TNS3: variants seen among roughly 807,000 people sequenced by gnomAD.
TNS3 encodes the protein tensin 3, also known as tensin-3.
In TNS3, 45 loss-of-function variants were observed where a neutral mutation model predicts 140.9. The observed-to-expected ratio is 0.32, with a 90% CI of 0.25 to 0.41. TNS3 has a LOEUF of 0.41. Among genes scored for constraint, TNS3 ranks in the 10% least tolerant of loss-of-function variants. The pLI is 1.00. For missense variants in TNS3, 1,716 were observed against 1,906.7 expected, an observed-to-expected ratio of 0.90 and a Z score of 1.86; for synonymous variants, 815 against 788.4, an observed-to-expected ratio of 1.03 and a Z score of -0.56.
rs1425412829 is a variant in TNS3, at chr7:47,304,860, T to C, written c.2794A>G (p.Ser932Gly). 2.9e-6 allele frequency: 4 copies of C among 1,391,426 alleles called. No individual in the cohort carries two copies. Among genetic ancestry groups the C allele is most frequent in the Non-Finnish European group, 3.8e-6 (4 of 1,061,402 alleles). The allele number at this position is 1,391,426 out of a possible 1,614,324, so 86.2% of individuals were successfully genotyped here. The change falls in exon 21 of 31, where the codon AGC becomes GGC. Residue 932 changes from serine to glycine, a missense_variant. By Grantham distance (56) the Ser-to-Gly change is moderately conservative. Coordinates refer to ENST00000311160, the MANE Select transcript of TNS3 (RefSeq NM_022748.12). ...QAFASSCTIS[S>G]NGPGQRRESS... The stretch of plus-strand genomic sequence containing the variant: ...TCTCTCCTCTGCCCAGGGCCGTTGC[T>C]GGAAATGGTGCAGGAAGAAGCAAAA...
chr7:47,580,672 T>G (rs1030032182), intron 1 of TNS3, among the ~76,000 whole-genome samples: 1 of 151,694 alleles, frequency 6.6e-6, no homozygotes. Context: ...GTTGATTGAT[T>G]TGCAAATATA....
intron 1 of TNS3, among the ~76,000 whole-genome samples, chr7:47,548,332 G>T (rs1799976861): frequency 6.6e-6 from 1 of 152,034 alleles, no homozygotes; most frequent in Non-Finnish European, 1.5e-5. Flanking sequence ...CCCATACCTG[G>T]CCTGTCTCTC....
intron 8 of TNS3, among the ~76,000 whole-genome samples, chr7:47,430,381 C>G (rs1794872074): frequency 6.6e-6 from 1 of 152,040 alleles, no homozygotes; most frequent in Admixed American, 6.5e-5. Flanking sequence ...CCCCCCGCCT[C>G]GGCCTCCCAA....
chr7:47,565,268 G>A (rs980601515), intron 1 of TNS3, among the ~76,000 whole-genome samples: 4 of 151,810 alleles, frequency 2.6e-5, no homozygotes, highest in Non-Finnish European at 5.9e-5. Context: ...TAGTAGAGAC[G>A]GGGTTTCACT....
chr7:47,288,655 C>T (rs781503944), intron 27 of TNS3, among the ~76,000 whole-genome samples: 26 of 152,270 alleles, frequency 1.7e-4, no homozygotes, highest in Non-Finnish European at 2.9e-4. Context: ...TGATGGGCTC[C>T]AGGGACCCCC....
chr7:47,484,362 A>C (rs115446299), intron 3 of TNS3, among the ~76,000 whole-genome samples: 162 of 152,312 alleles, frequency 1.1e-3, no homozygotes, highest in African/African-American at 3.7e-3. Flanking sequence ...CACAGAGGGC[A>C]CTTGTTCTTT....
At position 47,275,191 on chromosome 7, in the gene TNS3, A is replaced by G. The variant is rs929017647; in HGVS notation, c.*2885T>C. 1.3e-5 allele frequency: 2 copies of G among 152,684 alleles called. No homozygotes were observed. The highest frequency in any genetic ancestry group is 4.8e-5 in the African/African-American group (2 of 41,470). The allele number at this position is 152,684 out of a possible 1,614,324, so 9.5% of individuals were successfully genotyped here. A position where few individuals can be genotyped will look rare whatever the true frequency, so the allele number is the denominator to read the frequency against. On this transcript the variant is annotated 3_prime_UTR_variant, in exon 31 of 31. Transcript: ENST00000311160. ...TAATTTTATTATACTCTGAATAGAG[A>G]TGATATTTAAGGAGCAGAGAAAATG...
At chr7:47,472,198 C>G (rs955024936) in intron 4 of TNS3, among the ~76,000 whole-genome samples, 2 of 152,216 alleles carry the variant, frequency 1.3e-5, no homozygotes, top group Non-Finnish European at 2.9e-5. Flanking sequence ...CCAATCTAAT[C>G]CAGCATGACC....
intron 1 of TNS3, among the ~76,000 whole-genome samples, chr7:47,531,990 A>T (rs1036660015): frequency 5.9e-5 from 9 of 152,228 alleles, no homozygotes; most frequent in Admixed American, 5.9e-4. Flanking sequence ...CCCTGAGTGC[A>T]GGCAGCTGCA....
chr7:47,339,566 C>T, intron 20 of TNS3, among the ~76,000 whole-genome samples: 1 of 151,838 alleles, frequency 6.6e-6, no homozygotes, highest in Non-Finnish European at 1.5e-5. Flanking sequence ...TTCCTCCATC[C>T]ACACCACAGT....
intron 20 of TNS3, among the ~76,000 whole-genome samples, chr7:47,329,896 C>T (rs777255593): frequency 2.2e-4 from 34 of 152,128 alleles, no homozygotes; most frequent in Non-Finnish European, 4.6e-4. Flanking sequence ...GAGGAGGAGG[C>T]AGGGCATGCT....
intron 16 of TNS3, among the ~76,000 whole-genome samples, chr7:47,387,314 A>G (rs1019769903): frequency 2.0e-5 from 3 of 152,252 alleles, no homozygotes; most frequent in African/African-American, 7.2e-5. Flanking sequence ...TTAAGAACCA[A>G]CTTGGAATCC....
chr7:47,331,410 C>T (rs920099407), intron 20 of TNS3, among the ~76,000 whole-genome samples: 1 of 152,044 alleles, frequency 6.6e-6, no homozygotes, highest in African/African-American at 2.4e-5. Flanking sequence ...TTGGGCATTG[C>T]GGAGAAGGAA....
intron 20 of TNS3, among the ~76,000 whole-genome samples, chr7:47,326,010 C>A (rs1262876257): frequency 2.6e-5 from 4 of 152,228 alleles, no homozygotes; most frequent in Non-Finnish European, 5.9e-5. Flanking sequence ...CGGGAGCTTT[C>A]ACTGTGCTTT....
At chr7:47,453,698 C>T (rs963468930) in intron 4 of TNS3, among the ~76,000 whole-genome samples, 2 of 152,186 alleles carry the variant, frequency 1.3e-5, no homozygotes, top group Non-Finnish European at 2.9e-5. Flanking sequence ...GCAGCGAAAC[C>T]TCAGTTATGG....
At chr7:47,286,602 C>T (rs565385475) in intron 27 of TNS3, among the ~76,000 whole-genome samples, 13 of 152,236 alleles carry the variant, frequency 8.5e-5, no homozygotes, top group African/African-American at 3.1e-4. Context: ...AATTGCTAGG[C>T]TACTCTGGGA....
intron 16 of TNS3, among the ~76,000 whole-genome samples, chr7:47,386,198 T>C (rs1461477951): frequency 6.6e-6 from 1 of 152,260 alleles, no homozygotes; most frequent in Admixed American, 6.5e-5. Context: ...TGGCTCTTGC[T>C]ATGTGGAAGA....
At chr7:47,494,925 G>C (rs1797945455) in intron 3 of TNS3, among the ~76,000 whole-genome samples, 1 of 152,076 alleles carries the variant, frequency 6.6e-6, no homozygotes, top group Non-Finnish European at 1.5e-5. Context: ...TGAATGCTTC[G>C]TTATGGGTTT....
At chr7:47,555,581 C>T (rs1800175008) in intron 1 of TNS3, among the ~76,000 whole-genome samples, 2 of 152,162 alleles carry the variant, frequency 1.3e-5, no homozygotes, top group Non-Finnish European at 2.9e-5. Flanking sequence ...ACGTGGCAAA[C>T]TTTATCATCG....
Sources: gnomAD v4.1 joint callset for allele counts (sites outside exome capture counted in the v4.1 genomes callset) on GRCh38, gnomAD v4.1.1 for gene constraint, MANE v1.5 for transcripts, NCBI Gene and HGNC (gene_info 2026-07-23, HGNC 2026-07-21) for gene names.